The following LGSN variants were observed in gnomAD, a reference collection of about 807,000 sequenced individuals.
The protein encoded by LGSN is lengsin.
LGSN carries 21 observed loss-of-function variants against 19.5 expected under a neutral mutation model. The ratio of observed to expected loss-of-function variants is 1.07; its 90% CI spans 0.76 to 1.55. The LOEUF (loss-of-function observed/expected upper bound fraction) is 1.55. Among genes scored for constraint, LGSN ranks in the 40% most tolerant of loss-of-function variants. The pLI is 0.00. For synonymous variants in LGSN, 257 were observed against 215.6 expected, an observed-to-expected ratio of 1.19 and a Z score of -1.68; for missense variants, 673 against 608.5, an observed-to-expected ratio of 1.11 and a Z score of -1.12.
At chr6:63,415,753 T>C in the LGSN span, among the ~76,000 whole-genome samples, 2,329 of 152,338 alleles carry the variant, frequency 0.015, 67 homozygotes, top group African/African-American at 0.053. Flanking sequence ...AAAGAGCTTC[T>C]CCAATCATTA....
At chr6:63,317,295 G>A (rs1205326883) in intron 1 of LGSN, among the ~76,000 whole-genome samples, 5 of 152,112 alleles carry the variant, frequency 3.3e-5, no homozygotes, top group Non-Finnish European at 7.4e-5. Flanking sequence ...ATCCCTTCCT[G>A]TAGGCACTAT....
chr6:63,362,317 C>T, the LGSN span, among the ~76,000 whole-genome samples: 2 of 152,216 alleles, frequency 1.3e-5, no homozygotes, highest in African/African-American at 4.8e-5. Flanking sequence ...CGGGTGATTT[C>T]TGCATTTCCA....
intron 1 of LGSN, among the ~76,000 whole-genome samples, chr6:63,318,111 T>C (rs77867605): frequency 0.013 from 1,939 of 152,294 alleles, 31 homozygotes; most frequent in African/African-American, 0.043. Context: ...TTTACAGCAT[T>C]GTTTTAAATA....
At chr6:63,350,853 AAAAC>A in the LGSN span, among the ~76,000 whole-genome samples, 8 of 152,026 alleles carry the variant, frequency 5.3e-5, no homozygotes, top group Middle Eastern at 3.2e-3. Flanking sequence ...TAAAAAAAAA[AAAAC>A]AAACAAACAA....
the LGSN span, among the ~76,000 whole-genome samples, chr6:63,456,346 A>AATATATATAT: frequency 3.5e-3 from 347 of 100,454 alleles, 66 homozygotes; most frequent in Non-Finnish European, 3.9e-3. Flanking sequence ...ACTTGGCAGA[A>AATATATATAT]ATATACATAT....
At chr6:63,374,240 T>C in the LGSN span, among the ~76,000 whole-genome samples, 1 of 152,200 alleles carries the variant, frequency 6.6e-6, no homozygotes, top group South Asian at 2.1e-4. Flanking sequence ...CAAAATGTTA[T>C]CTTTGATGCA....
chr6:63,549,334 G>T, the LGSN span: 1 of 754,052 alleles, frequency 1.3e-6, no homozygotes, highest in Admixed American at 1.7e-5. Flanking sequence ...CTGATATAGT[G>T]GGGGCCATTT....
the LGSN span, among the ~76,000 whole-genome samples, chr6:63,412,358 C>T: frequency 7.2e-6 from 1 of 138,164 alleles, no homozygotes; most frequent in Non-Finnish European, 1.5e-5. Flanking sequence ...CAGAGCAAGA[C>T]TCCATCAAGA....
chr6:63,337,370 GA>G, the LGSN span, among the ~76,000 whole-genome samples: 447 of 151,972 alleles, frequency 2.9e-3, 3 homozygotes, highest in African/African-American at 0.01. Context: ...ACTGAGGCAT[GA>G]AAAATCACTT....
At chr6:63,334,910 G>T in the LGSN span, among the ~76,000 whole-genome samples, 1 of 152,034 alleles carries the variant, frequency 6.6e-6, no homozygotes, top group African/African-American at 2.4e-5. Context: ...AGGCTGAGGA[G>T]GATGGATCAC....
the LGSN span, among the ~76,000 whole-genome samples, chr6:63,555,091 A>C: frequency 6.6e-6 from 1 of 152,112 alleles, no homozygotes; most frequent in African/African-American, 2.4e-5. Flanking sequence ...ATTTCTTTTC[A>C]TCTTTCCACT....
At chr6:63,559,065 G>C in the LGSN span, among the ~76,000 whole-genome samples, 5 of 152,184 alleles carry the variant, frequency 3.3e-5, no homozygotes, top group African/African-American at 4.8e-5. Context: ...TGCTCACTCT[G>C]CTCCCCTTAT....
At chr6:63,550,407 G>A in the LGSN span, 1 of 152,092 alleles carries the variant, frequency 6.6e-6, no homozygotes, top group African/African-American at 2.4e-5. Context: ...GCGTTCTTCA[G>A]ACGACTCTAC....
chr6:63,293,583 T>A, intron 2 of LGSN: 1 of 337,690 alleles, frequency 3.0e-6, no homozygotes, highest in Non-Finnish European at 5.9e-6. Context: ...AACATTACAT[T>A]CTCTCTAATT....
At chr6:63,412,562 G>T in the LGSN span, among the ~76,000 whole-genome samples, 1 of 124,588 alleles carries the variant, frequency 8.0e-6, no homozygotes, top group Non-Finnish European at 1.6e-5. Context: ...AAGAAAGAAA[G>T]AAAGAAAGGA....
the LGSN span, among the ~76,000 whole-genome samples, chr6:63,401,433 A>T: frequency 6.6e-6 from 1 of 152,062 alleles, no homozygotes; most frequent in African/African-American, 2.4e-5. Context: ...ATTAAGGTAC[A>T]AGTTAATTCA....
At chr6:63,553,143 A>G in the LGSN span, among the ~76,000 whole-genome samples, 4 of 152,186 alleles carry the variant, frequency 2.6e-5, no homozygotes. Flanking sequence ...TTTCCTCCAA[A>G]GTATACAATT....
At chr6:63,514,419 G>T in the LGSN span, among the ~76,000 whole-genome samples, 1 of 152,188 alleles carries the variant, frequency 6.6e-6, no homozygotes, top group Non-Finnish European at 1.5e-5. Context: ...GTGGAGATGG[G>T]GTTTCACCAT....
chr6:63,321,178 A>G (rs71534830), upstream of LGSN, among the ~76,000 whole-genome samples: 9,998 of 152,144 alleles, frequency 0.066, 471 homozygotes, highest in Non-Finnish European at 0.094. Flanking sequence ...TAATTCCCAC[A>G]ATGTCTTGTA....
Sources: allele counts gnomAD v4.1 joint callset (sites outside exome capture counted in the v4.1 genomes callset), GRCh38; gene constraint gnomAD v4.1.1; transcripts MANE v1.5; gene names NCBI Gene and HGNC (gene_info 2026-07-23, HGNC 2026-07-21).